Variants in TLN2 observed in about 807,000 individuals in gnomAD.
TLN2 encodes the protein talin 2.
In TLN2, 118 loss-of-function variants were observed where a neutral mutation model predicts 294.7. That is an observed-to-expected ratio of 0.40 (90% CI 0.34 to 0.47). TLN2 has a LOEUF of 0.47. Among genes scored for constraint, TLN2 ranks in the 20% least tolerant of loss-of-function variants. The probability of loss-of-function intolerance (pLI) is 0.84; values close to 1 mark genes in which losing one functional copy is unlikely to be tolerated. For synonymous variants in TLN2, 1,431 were observed against 1,304.5 expected, an observed-to-expected ratio of 1.10 and a Z score of -2.09; for missense variants, 3,083 against 3,282.2, an observed-to-expected ratio of 0.94 and a Z score of 1.48.
At chr15:62,812,651 GACTCTAA>G (rs1179778208) in intron 52 of TLN2, among the ~76,000 whole-genome samples, 6 of 152,294 alleles carry the variant, frequency 3.9e-5, no homozygotes, top group African/African-American at 1.4e-4. Context: ...ACTGCATGCC[GACTCTAA>G]ACCCTATCCC....
intron 3 of TLN2, among the ~76,000 whole-genome samples, chr15:62,632,197 G>A (rs1300493667): frequency 6.6e-6 from 1 of 152,240 alleles, no homozygotes; most frequent in African/African-American, 2.4e-5. Context: ...GGGGACTAGT[G>A]CCCCTGTGGG....
intron 1 of TLN2, among the ~76,000 whole-genome samples, chr15:62,474,696 A>C (rs571887786): frequency 1.3e-5 from 2 of 151,964 alleles, no homozygotes; most frequent in Non-Finnish European, 2.9e-5. Context: ...TTTTAAATGG[A>C]CCCTGAGGCT....
At chr15:62,475,194 G>A (rs182562058) in intron 1 of TLN2, among the ~76,000 whole-genome samples, 30 of 152,152 alleles carry the variant, frequency 2.0e-4, no homozygotes, top group Admixed American at 1.6e-3. Flanking sequence ...TAAGAGATAT[G>A]GTAATTTAAA....
chr15:62,443,556 C>T (rs954312568), intron 1 of TLN2, among the ~76,000 whole-genome samples: 4 of 152,192 alleles, frequency 2.6e-5, no homozygotes, highest in Admixed American at 6.5e-5. Flanking sequence ...GCCCAATCAA[C>T]GTCTATTAAA....
At chr15:62,585,428 G>A (rs1020552159) in intron 1 of TLN2, among the ~76,000 whole-genome samples, 3 of 152,126 alleles carry the variant, frequency 2.0e-5, no homozygotes, top group African/African-American at 7.2e-5. Context: ...GTATGAGTAT[G>A]ATCATTTCTG....
chr15:62,404,608 G>C (rs1167165857), intron 1 of TLN2, among the ~76,000 whole-genome samples: 1 of 152,118 alleles, frequency 6.6e-6, no homozygotes, highest in Non-Finnish European at 1.5e-5. Context: ...CTTCAATATA[G>C]TCCATTTAAT....
chr15:62,539,128 C>G (rs893377093), intron 1 of TLN2, among the ~76,000 whole-genome samples: 3 of 152,206 alleles, frequency 2.0e-5, no homozygotes, highest in African/African-American at 7.2e-5. Flanking sequence ...CCCTGCTCTT[C>G]CCTTCTCCAC....
intron 10 of TLN2, among the ~76,000 whole-genome samples, chr15:62,674,729 T>A (rs1376984425): frequency 6.6e-6 from 1 of 152,140 alleles, no homozygotes; most frequent in Admixed American, 6.5e-5. Flanking sequence ...CTCAAACTCC[T>A]AATCTCAAAT....
intron 1 of TLN2, among the ~76,000 whole-genome samples, chr15:62,573,052 T>G (rs1291474314): frequency 6.6e-6 from 1 of 152,152 alleles, no homozygotes; most frequent in African/African-American, 2.4e-5. Flanking sequence ...CCGTAACAAC[T>G]CAGCCCCCAA....
intron 2 of TLN2, among the ~76,000 whole-genome samples, chr15:62,599,937 G>A (rs187083169): frequency 3.9e-5 from 6 of 152,264 alleles, no homozygotes; most frequent in African/African-American, 1.4e-4. Context: ...ACAATGACTT[G>A]GGCGTTGTTC....
At chr15:62,746,686 G>T (rs551698459) in intron 32 of TLN2, among the ~76,000 whole-genome samples, 33 of 152,298 alleles carry the variant, frequency 2.2e-4, no homozygotes, top group African/African-American at 7.5e-4. Flanking sequence ...TAGTGTTGGT[G>T]ATTAACAGCA....
At chr15:62,512,263 A>G (rs554094422) in intron 1 of TLN2, among the ~76,000 whole-genome samples, 61 of 152,118 alleles carry the variant, frequency 4.0e-4, no homozygotes, top group Non-Finnish European at 5.9e-5. Flanking sequence ...AAATTACTAC[A>G]TCATTTCTTG....
intron 1 of TLN2, among the ~76,000 whole-genome samples, chr15:62,551,663 C>T (rs1214793297): frequency 6.6e-6 from 1 of 152,164 alleles, no homozygotes; most frequent in African/African-American, 2.4e-5. Context: ...CGTGCCATTG[C>T]ACTCCAGCCT....
intron 2 of TLN2, among the ~76,000 whole-genome samples, chr15:62,611,343 G>A (rs2047897724): frequency 6.6e-6 from 1 of 152,206 alleles, no homozygotes; most frequent in South Asian, 2.1e-4. Flanking sequence ...CTAGGCTCAG[G>A]TATGGATGCT....
At chr15:62,566,280 A>G (rs570337965) in intron 1 of TLN2, among the ~76,000 whole-genome samples, 2 of 152,104 alleles carry the variant, frequency 1.3e-5, no homozygotes, top group Non-Finnish European at 2.9e-5. Flanking sequence ...CTGTTCGTTC[A>G]TTTGGCAAAC....
At position 62,621,804 on chromosome 15, in the gene TLN2, G is replaced by C. The variant is rs184578345; in HGVS notation, c.-37+3329G>C. 2.7e-4 allele frequency among the ~76,000 whole-genome samples: 41 copies of C among 152,272 alleles called. No homozygotes were observed. In the East Asian group the frequency reaches 7.9e-3, roughly 29 times the overall value. ...TTCAGAGTAGTTACTAGTAGCTCTTGCATTAGCAGGTACTAAAAAGGAATG... is the reference window on the plus strand; with the variant it reads ...TTCAGAGTAGTTACTAGTAGCTCTTCCATTAGCAGGTACTAAAAAGGAATG... On this transcript the variant is annotated intron_variant, in intron 3 of 58. Coordinates refer to ENST00000636159, the MANE Select transcript of TLN2 (RefSeq NM_015059.3).
Position 62,737,119 on chromosome 15 carries a change from T to C in TLN2, c.3567+33T>C, listed in dbSNP as rs759390844. ...TAGGAATGAGAAATTGTGGTTGTCA[T>C]GGTCATCATTAACGTGGACATGTGG... On this transcript the variant is annotated intron_variant, in intron 29 of 58. Transcript: ENST00000636159. The C allele has an allele frequency of 4.5e-5, 72 of 1,610,728 alleles. 1 individual carries two copies. Among genetic ancestry groups the C allele is most frequent in the Middle Eastern group, 1.6e-4 (1 of 6,076 alleles).
chr15:62,833,723 GA>G, intron 55 of TLN2, 94 bp downstream of exon 55: 1 of 1,516,046 alleles, frequency 6.6e-7, no homozygotes, highest in Non-Finnish European at 8.8e-7. Context: ...CCTGACCAAG[GA>G]AACACATGCA....
At chr15:62,411,106 C>T (rs1037803625) in intron 1 of TLN2, among the ~76,000 whole-genome samples, 4 of 152,134 alleles carry the variant, frequency 2.6e-5, no homozygotes, top group African/African-American at 9.7e-5. Flanking sequence ...CAGACCTGAG[C>T]CCTGCCCTCA....
Sources: allele counts gnomAD v4.1 joint callset (sites outside exome capture counted in the v4.1 genomes callset), GRCh38; gene constraint gnomAD v4.1.1; transcripts MANE v1.5; gene names NCBI Gene and HGNC (gene_info 2026-07-23, HGNC 2026-07-21).